Variants in SORBS2 observed in about 807,000 individuals in gnomAD.
The protein encoded by SORBS2 is sorbin and SH3 domain containing 2.
In SORBS2, 46 loss-of-function variants were observed where a neutral mutation model predicts 97.7. The observed-to-expected ratio is 0.47, with a 90% CI of 0.37 to 0.60. The LOEUF (loss-of-function observed/expected upper bound fraction) is 0.60, where lower values mean the gene tolerates loss of function less well. SORBS2 is among the 20% of genes least tolerant of loss of function. The pLI is 0.00. For synonymous variants in SORBS2, 476 were observed against 473.4 expected (o/e 1.01, Z -0.07); for missense variants, 1,316 against 1,282.3 (o/e 1.03, Z -0.40).
At position 185,623,442 on chromosome 4, in the gene SORBS2, C is replaced by T. The variant is rs967964165; in HGVS notation, c.1687G>A (p.Gly563Ser). 8 of 1,611,870 alleles carry T rather than the reference C, an allele frequency of 5.0e-6. No homozygotes were observed. The highest frequency in any genetic ancestry group is 5.9e-6 in the Non-Finnish European group (7 of 1,179,992). Residue 563 changes from glycine to serine, a missense_variant, in exon 7 of 15, where the codon GGC (glycine) becomes AGC (serine). Coordinates refer to ENST00000418609, the Ensembl canonical transcript of SORBS2. The surrounding 1 kb of genome is among the most constrained non-coding windows in gnomAD (Gnocchi z 6.4). ...CGAGTGTAGGAGGCCGGGCACCTGC[C>T]TTTGCAGGAGCTGATGAGGTGGCGG...
chr4:185,751,544 G>A (rs906997767), intron 2 of SORBS2, among the ~76,000 whole-genome samples: 1 of 152,196 alleles, frequency 6.6e-6, no homozygotes, highest in African/African-American at 2.4e-5. Context: ...TCTAGCATGA[G>A]AGGGAGGTGC....
chr4:185,717,172 T>C (rs1473554058), intron 2 of SORBS2, among the ~76,000 whole-genome samples: 1 of 152,218 alleles, frequency 6.6e-6, no homozygotes, highest in East Asian at 1.9e-4. Flanking sequence ...GGAAGTGAAG[T>C]GCACCCACAC....
intron 1 of SORBS2, among the ~76,000 whole-genome samples, chr4:185,819,628 T>C (rs1396741648): frequency 6.6e-6 from 1 of 152,168 alleles, no homozygotes; most frequent in Non-Finnish European, 1.5e-5. Context: ...GAAAGTACTA[T>C]CTCATTTCTG....
chr4:185,684,165 C>A lies in SORBS2; in HGVS notation c.-197-5343G>T, dbSNP rs574502451. ...GTGCCTTAGGTACTGTGCCTAACTT[C>A]GGTACTGTGGCTTAGGTAGTCACAA... On this transcript the variant is annotated intron_variant, in intron 2 of 20. Coordinates refer to the SORBS2 transcript ENST00000284776. The surrounding 1 kb of genome is among the most constrained non-coding windows in gnomAD (Gnocchi z 4.2). 1.3e-5 allele frequency among the ~76,000 whole-genome samples: 2 copies of A among 152,106 alleles called. No individual in the cohort carries two copies. Among genetic ancestry groups the A allele is most frequent in the Non-Finnish European group, 2.9e-5 (2 of 68,018 alleles).
chr4:185,915,174 CAG>C (rs2099257424), intron 1 of SORBS2, among the ~76,000 whole-genome samples: 2 of 152,206 alleles, frequency 1.3e-5, no homozygotes, highest in Non-Finnish European at 2.9e-5. Context: ...ATACTGCTTT[CAG>C]CAGCATTTGT....
At chr4:185,891,817 C>G (rs1162724734) in intron 1 of SORBS2, among the ~76,000 whole-genome samples, 1 of 152,224 alleles carries the variant, frequency 6.6e-6, no homozygotes, top group African/African-American at 2.4e-5. Context: ...GCAAGAAGAG[C>G]CCATCAGGTG....
At chr4:185,647,635 C>T (rs192927234) in intron 3 of SORBS2, among the ~76,000 whole-genome samples, 3 of 152,062 alleles carry the variant, frequency 2.0e-5, no homozygotes, top group East Asian at 1.9e-4. Context: ...CTCCATGGCC[C>T]GTTGGAAATA....
At chr4:185,590,912 G>A (rs2095911950) in intron 13 of SORBS2, among the ~76,000 whole-genome samples, 1 of 152,162 alleles carries the variant, frequency 6.6e-6, no homozygotes, top group Non-Finnish European at 1.5e-5. Context: ...TTCTGTAACA[G>A]TCATGTCATT....
chr4:185,722,396 T>C (rs920157809), intron 2 of SORBS2, among the ~76,000 whole-genome samples: 2 of 152,250 alleles, frequency 1.3e-5, no homozygotes, highest in Non-Finnish European at 2.9e-5. Flanking sequence ...CATGTGGGCA[T>C]TTAATTTAAA....
At chr4:185,718,553 C>T (rs907773511) in intron 2 of SORBS2, among the ~76,000 whole-genome samples, 7 of 152,160 alleles carry the variant, frequency 4.6e-5, no homozygotes, top group African/African-American at 1.7e-4. Flanking sequence ...TGATCACCAC[C>T]TCATTCTCCA....
intron 1 of SORBS2, among the ~76,000 whole-genome samples, chr4:185,777,796 A>AC (rs2099007314): frequency 6.7e-6 from 1 of 149,594 alleles, no homozygotes; most frequent in Non-Finnish European, 1.5e-5. Flanking sequence ...CAAAAAAAAA[A>AC]GGTGAATGAT....
intron 1 of SORBS2, among the ~76,000 whole-genome samples, chr4:185,848,618 CT>C (rs537195530): frequency 4.2e-4 from 32 of 75,610 alleles, no homozygotes; most frequent in Non-Finnish European, 6.3e-4. Flanking sequence ...AAGGATATCT[CT>C]TTTTTTTTTT....
chr4:185,642,238 A>G (rs2097138397), intron 4 of SORBS2, among the ~76,000 whole-genome samples: 1 of 152,132 alleles, frequency 6.6e-6, no homozygotes, highest in African/African-American at 2.4e-5. Flanking sequence ...TAAGTTCATT[A>G]AGGGTTTAAG....
chr4:185,713,404 C>T (rs942342227), intron 2 of SORBS2, among the ~76,000 whole-genome samples: 3 of 152,144 alleles, frequency 2.0e-5, no homozygotes, highest in Non-Finnish European at 4.4e-5. Flanking sequence ...TCTCATCTTA[C>T]GTGTTTGCTT....
rs184180275 is a variant in SORBS2, at chr4:185,656,809, T to C, written c.-171A>G. 8.6e-5 allele frequency: 120 copies of C among 1,390,586 alleles called. No individual in the cohort carries two copies. The African/African-American group carries it at 1.4e-3, about 16-fold the overall frequency. 86.1% of individuals were successfully genotyped at this position (1,390,586 alleles called of 1,614,324 possible). ...AATGCTTTGGCAGAGTTTTAAAACT[T>C]AAAAAAAAATCCAAACACTTTCACT... is the stretch of plus-strand genomic sequence containing the variant. On this transcript the variant is annotated 5_prime_UTR_variant, in exon 1 of 15. Coordinates refer to ENST00000418609, the Ensembl canonical transcript of SORBS2.
chr4:185,873,691 C>T (rs1012187500), intron 1 of SORBS2, among the ~76,000 whole-genome samples: 3 of 152,060 alleles, frequency 2.0e-5, no homozygotes, highest in East Asian at 1.9e-4. Context: ...TGCAACTCTA[C>T]GCTCATAATT....
intron 1 of SORBS2, among the ~76,000 whole-genome samples, chr4:185,944,493 GACACA>G (rs944814531): frequency 6.6e-6 from 1 of 152,180 alleles, no homozygotes; most frequent in Non-Finnish European, 1.5e-5. Context: ...AGACTATAAA[GACACA>G]ACACATCTAA....
chr4:185,847,577 G>A (rs894864924), intron 1 of SORBS2, among the ~76,000 whole-genome samples: 3 of 152,102 alleles, frequency 2.0e-5, no homozygotes, highest in African/African-American at 7.2e-5. Context: ...GCCAGATCTC[G>A]CAGGATGAGT....
At chr4:185,613,790 A>C (rs911466756) in intron 11 of SORBS2, among the ~76,000 whole-genome samples, 1 of 152,158 alleles carries the variant, frequency 6.6e-6, no homozygotes, top group African/African-American at 2.4e-5. Flanking sequence ...AACATGGAAC[A>C]GGAGACAGAG....
Sources: allele counts gnomAD v4.1 joint callset (sites outside exome capture counted in the v4.1 genomes callset), GRCh38; gene constraint gnomAD v4.1.1; non-coding constraint Gnocchi (gnomAD v3.1); transcripts MANE v1.5; gene names NCBI Gene and HGNC (gene_info 2026-07-23, HGNC 2026-07-21).